The following ADGRD2 variants were observed in gnomAD, a reference collection of about 807,000 sequenced individuals.
ADGRD2 encodes the protein adhesion G protein-coupled receptor D2, also known as G protein-coupled receptor PGR24.
In ADGRD2, 71 loss-of-function variants were observed where a neutral mutation model predicts 44.4. That is an observed-to-expected ratio of 1.60 (90% CI 1.32 to 1.95). The LOEUF (loss-of-function observed/expected upper bound fraction) is 1.95. Ranked by LOEUF, ADGRD2 falls within the 30% of genes most tolerant of loss-of-function variation. ADGRD2 has a pLI of 0.00. For missense variants in ADGRD2, 1,039 were observed against 512.4 expected, an observed-to-expected ratio of 2.03 and a Z score of -9.92; for synonymous variants, 481 against 224.8, an observed-to-expected ratio of 2.14 and a Z score of -10.19.
At chr9:124,453,546 C>G (rs1158178474) in exon 3 of ADGRD2, 1 of 697,376 alleles carries the variant, frequency 1.4e-6, no homozygotes, top group African/African-American at 1.8e-5. Flanking sequence ...GGGCGCTGAG[C>G]CCCGCTCAGC....
chr9:124,456,393 G>A (rs565129370), intron 6 of ADGRD2, among the ~76,000 whole-genome samples: 5 of 152,302 alleles, frequency 3.3e-5, no homozygotes, highest in Admixed American at 2.0e-4. Context: ...CAGGAGGATG[G>A]GGTGGCTTGG....
At chr9:124,452,016 C>CCCCCG, upstream of ADGRD2, 1 of 550,812 alleles carries the variant, frequency 1.8e-6, no homozygotes, top group Non-Finnish European at 3.4e-6. Context: ...CCACCCACCC[C>CCCCCG]CAGAGTAGGC....
intron 6 of ADGRD2, among the ~76,000 whole-genome samples, chr9:124,455,839 G>C (rs1831605879): frequency 6.6e-6 from 1 of 152,178 alleles, no homozygotes; most frequent in Non-Finnish European, 1.5e-5. Flanking sequence ...TGTCGGCCTG[G>C]GAGTGATCAG....
intron 17 of ADGRD2, among the ~76,000 whole-genome samples, chr9:124,470,918 C>A (rs1831934554): frequency 6.6e-6 from 1 of 152,254 alleles, no homozygotes; most frequent in South Asian, 2.1e-4. Context: ...GAAATTCCAG[C>A]CCCTTGGCCA....
At chr9:124,452,413 G>A (rs751664131) in intron 1 of ADGRD2, 97 bp from the exon 5 acceptor site, 3 of 705,986 alleles carry the variant, frequency 4.2e-6, no homozygotes, top group African/African-American at 3.5e-5. Flanking sequence ...CATCCAGCCC[G>A]AATGACTCCA....
At chr9:124,477,660 T>G (rs7855918) in intron 21 of ADGRD2, among the ~76,000 whole-genome samples, 1 of 152,040 alleles carries the variant, frequency 6.6e-6, no homozygotes, top group African/African-American at 2.4e-5. Context: ...GAACCCGGGT[T>G]GTGGGATCCC....
At chr9:124,475,960 A>C (rs1832043319) in intron 19 of ADGRD2, among the ~76,000 whole-genome samples, 1 of 152,152 alleles carries the variant, frequency 6.6e-6, no homozygotes, top group Admixed American at 6.5e-5. Context: ...CGGCTTGAGC[A>C]ATGTCCTGTC....
At chr9:124,459,685 T>C (rs566868977) in intron 10 of ADGRD2, among the ~76,000 whole-genome samples, 3 of 152,314 alleles carry the variant, frequency 2.0e-5, no homozygotes, top group South Asian at 4.1e-4. Flanking sequence ...TTATATTTTA[T>C]TTCCTAAGCA....
chr9:124,475,393 G>T (rs1832025271), intron 17 of ADGRD2, 53 bp from the exon 21 acceptor site: 4 of 694,890 alleles, frequency 5.8e-6, no homozygotes, highest in African/African-American at 3.6e-5. Flanking sequence ...GCCAGGCTGT[G>T]GGGGATGGGG....
At chr9:124,452,352 T>G (rs1160899791) in intron 1 of ADGRD2, 158 bp from the exon 5 acceptor site, 1 of 645,046 alleles carries the variant, frequency 1.6e-6, no homozygotes, top group African/African-American at 1.8e-5. Flanking sequence ...CGAAAAGAGC[T>G]CTGCAAGAGG....
At chr9:124,476,006 G>T (rs1332468895) in intron 19 of ADGRD2, among the ~76,000 whole-genome samples, 1 of 152,204 alleles carries the variant, frequency 6.6e-6, no homozygotes, top group Admixed American at 6.5e-5. Context: ...CGGGCTTCTG[G>T]GGCCTGGCCC....
intron 17 of ADGRD2, among the ~76,000 whole-genome samples, chr9:124,475,220 T>C (rs1191984554): frequency 2.0e-5 from 3 of 152,062 alleles, no homozygotes; most frequent in Non-Finnish European, 4.4e-5. Flanking sequence ...AAGGCTGGGG[T>C]TGCACTGGGC....
At chr9:124,468,630 C>T in exon 14 of ADGRD2, 1 of 718,102 alleles carries the variant, frequency 1.4e-6, no homozygotes, top group Non-Finnish European at 2.6e-6. Context: ...TGTGAGCATG[C>T]ACCCGGGCCC....
chr9:124,452,004 T>G, upstream of ADGRD2: 2 of 114,466 alleles, frequency 1.7e-5, no homozygotes, highest in Non-Finnish European at 1.8e-5. Context: ...AATGCCCCCC[T>G]CCCACCCACC....
chr9:124,475,309 C>T (rs1188221493), intron 17 of ADGRD2, 137 bp from the exon 21 acceptor site: 5 of 590,936 alleles, frequency 8.5e-6, no homozygotes, highest in East Asian at 3.0e-5. Flanking sequence ...GGGCCGACTT[C>T]GTGCCCATCA....
chr9:124,475,062 G>T (rs866442121), intron 17 of ADGRD2, among the ~76,000 whole-genome samples: 1 of 152,230 alleles, frequency 6.6e-6, no homozygotes. Flanking sequence ...CAGGGCTGTT[G>T]TCCCAGGACC....
rs530528120 is a variant in ADGRD2, at chr9:124,454,453, G to A, written c.1023-31G>A. 1,995 of 698,230 alleles carry A rather than the reference G, an allele frequency of 2.9e-3. 9 individuals are homozygous for A. Among genetic ancestry groups the A allele is most frequent in the South Asian group, 7.5e-3 (504 of 67,038 alleles). 43.3% of individuals were successfully genotyped at this position (698,230 alleles called of 1,614,324 possible). On this transcript the variant is annotated intron_variant, in intron 4 of 21. Coordinates refer to ENST00000334810, the Ensembl canonical transcript of ADGRD2. The surrounding 1 kb of genome is among the most constrained non-coding windows in gnomAD (Gnocchi z 4.5). The stretch of plus-strand genomic sequence containing the variant: ...GCATCTCTGGGCAGGGGTATTGCCC[G>A]GGGCCTAGCCTGGCATCCACTCCTT...
chr9:124,456,505 A>G, intron 6 of ADGRD2, 117 bp from the exon 10 acceptor site: 1 of 649,294 alleles, frequency 1.5e-6, no homozygotes, highest in East Asian at 2.7e-5. Context: ...AGAGCCACGG[A>G]GGGTCTGGAG....
At chr9:124,476,621 G>A (rs1832054531) in intron 20 of ADGRD2, 58 bp from the exon 24 acceptor site, 1 of 680,642 alleles carries the variant, frequency 1.5e-6, no homozygotes, top group Non-Finnish European at 2.7e-6. Flanking sequence ...AGGGTCCCCA[G>A]GGCAAGGGGC....
Sources: allele counts gnomAD v4.1 joint callset (sites outside exome capture counted in the v4.1 genomes callset), GRCh38; gene constraint gnomAD v4.1.1; non-coding constraint Gnocchi (gnomAD v3.1); transcripts MANE v1.5; gene names NCBI Gene and HGNC (gene_info 2026-07-23, HGNC 2026-07-21).